The following PJVK variants were observed in gnomAD, a reference collection of about 807,000 sequenced individuals.
PJVK encodes the protein autosomal recessive deafness type 59 protein.
A neutral mutation model predicts 37.6 loss-of-function variants in PJVK; 33 were observed. The observed-to-expected ratio is 0.88, with a 90% CI of 0.67 to 1.17. The LOEUF (loss-of-function observed/expected upper bound fraction) is 1.17, where lower values mean the gene tolerates loss of function less well. Ranked by LOEUF, PJVK falls within the 50% of genes most tolerant of loss-of-function variation. The pLI, the probability that PJVK is intolerant of heterozygous loss-of-function variation, is 0.00. For synonymous variants in PJVK, 141 were observed against 143.5 expected, an observed-to-expected ratio of 0.98 and a Z score of 0.13; for missense variants, 410 against 413.8, an observed-to-expected ratio of 0.99 and a Z score of 0.08.
rs891563142 is a variant in PJVK, at chr2:178,457,126, G to A, written c.549+975G>A. On this transcript the variant is annotated intron_variant, in intron 4 of 6. Transcript: ENST00000644580. ...TGGGACTACAGGCACCTGCCACCAC[G>A]CCCGGCAGTGTTATCCAGGATGGTT... 2.6e-5 allele frequency among the ~76,000 whole-genome samples: 4 copies of A among 152,160 alleles called. 1 individual carries two copies. The highest frequency in any genetic ancestry group is 2.1e-4 in the South Asian group (1 of 4,808).
rs532670182 is a variant in PJVK at position 178,459,575 on chromosome 2, T to G, written c.668-773T>G. 2.6e-5 allele frequency among the ~76,000 whole-genome samples: 4 copies of G among 152,300 alleles called. No individual in the cohort carries two copies. In the South Asian group the frequency reaches 6.2e-4, roughly 24 times the overall value. On this transcript the variant is annotated intron_variant, in intron 5 of 6. Transcript: ENST00000644580. ...TTATACTCTTTTAGTTATTTAAAAA[T>G]GTACAAATTCTCAGTCTAAGATGGA... is the stretch of plus-strand genomic sequence containing the variant.
chr2:178,452,937 A>T (rs1317240032), intron 1 of PJVK: 1 of 168,228 alleles, frequency 5.9e-6, no homozygotes, highest in African/African-American at 2.4e-5. Flanking sequence ...TGTTGCCAAA[A>T]TTCCGGTGGT....
At position 178,461,713 on chromosome 2, in the gene PJVK, A is replaced by G. The variant is rs1041180314; in HGVS notation, c.*439A>G. On this transcript the variant is annotated 3_prime_UTR_variant, in exon 7 of 7. Transcript: ENST00000644580. ...AATTCTCTGCCTCAGCCTCCCGAGT[A>G]GCTGGGATTACTGGCGCCTGCCACC... Among the ~76,000 whole-genome samples the G allele has an allele frequency of 1.7e-4, 25 of 150,588 alleles. No individual in the cohort carries two copies. Among genetic ancestry groups the G allele is most frequent in the African/African-American group, 6.1e-4 (25 of 40,968 alleles).
chr2:178,460,324 ATCT>A, intron 5 of PJVK, 21 bp from the exon 6 acceptor site: 4 of 1,576,566 alleles, frequency 2.5e-6, no homozygotes, highest in South Asian at 1.1e-5. Flanking sequence ...AAGTTATAAC[ATCT>A]TCTAACAATT....
chr2:178,453,792 A>G, intron 2 of PJVK, 172 bp downstream of exon 2: 3 of 584,716 alleles, frequency 5.1e-6, no homozygotes, highest in East Asian at 3.1e-5. Context: ...AAAAGTTTGT[A>G]TAATATCAAA....
intron 4 of PJVK, among the ~76,000 whole-genome samples, chr2:178,457,503 C>A (rs1684193941): frequency 6.6e-6 from 1 of 152,180 alleles, no homozygotes; most frequent in Non-Finnish European, 1.5e-5. Context: ...ATAGTCCCAG[C>A]TACTCGGAAG....
rs189574055 is a variant in PJVK at position 178,456,549 on chromosome 2, T to G, written c.549+398T>G. ...GGGAGGCCGAGGTGGGCGGATCACT[T>G]GCAGTCAGGAGTTGGAGATCAAGTT... On this transcript the variant is annotated intron_variant, in intron 4 of 6. Coordinates refer to ENST00000644580, the MANE Select transcript of PJVK (RefSeq NM_001042702.5). Among the ~76,000 whole-genome samples, 109 of 152,290 alleles carry G rather than the reference T, an allele frequency of 7.2e-4. 2 individuals are homozygous for G. The highest frequency in any genetic ancestry group is 4.2e-3 in the Admixed American group (64 of 15,294).
In PJVK at chr2:178,451,633, T is replaced by A. The variant is rs1168647789; in HGVS notation, c.-159T>A. 7 of 213,630 alleles carry A rather than the reference T, an allele frequency of 3.3e-5. No individual in the cohort carries two copies. The highest frequency in any genetic ancestry group is 5.6e-5 in the Non-Finnish European group (7 of 124,480). 13.2% of individuals were successfully genotyped at this position (213,630 alleles called of 1,614,324 possible). A position where few individuals can be genotyped will look rare whatever the true frequency, so the allele number is the denominator to read the frequency against. On this transcript the variant is annotated 5_prime_UTR_variant, in exon 1 of 7. Transcript: ENST00000644580. The stretch of plus-strand genomic sequence containing the variant: ...AGCTTGAGACCCCGGATATATACGC[T>A]CCAGGGGGCTGCGGTGCGCTCTTCG...
At chr2:178,460,504 A>T in intron 6 of PJVK, 58 bp downstream of exon 6, 1 of 1,467,556 alleles carries the variant, frequency 6.8e-7, no homozygotes, top group Non-Finnish European at 9.5e-7. Context: ...GGCTTAACAC[A>T]TGAGGTTTTC....
rs976334055 is a variant in PJVK, at chr2:178,455,234, A to G, written c.407+707A>G. The G allele has an allele frequency of 2.6e-5, 41 of 1,553,532 alleles. No individual in the cohort carries two copies. The African/African-American group carries it at 5.2e-4, about 20-fold the overall frequency. On this transcript the variant is annotated intron_variant, in intron 3 of 6. Transcript: ENST00000644580. The stretch of plus-strand genomic sequence containing the variant: ...CAGTGACCCTGAGATCAATACCAAG[A>G]AGATTAACCCTGAGAATTCCAAGCT...
chr2:178,452,918 G>A (rs771019275), intron 1 of PJVK: 17 of 168,630 alleles, frequency 1.0e-4, no homozygotes, highest in South Asian at 1.4e-4. Flanking sequence ...ATTCAAAACA[G>A]CACTTTGGTG....
chr2:178,451,906 C>T (rs980573626), intron 1 of PJVK, 137 bp downstream of exon 1: 2 of 937,040 alleles, frequency 2.1e-6, no homozygotes, highest in African/African-American at 3.6e-5. Context: ...TCTCCAGGGG[C>T]TTGCTAGGCA....
intron 5 of PJVK, chr2:178,460,091 C>T: frequency 2.4e-6 from 1 of 423,020 alleles, no homozygotes; most frequent in African/African-American, 2.0e-5. Flanking sequence ...ACATAAGAAA[C>T]TTAAACCACG....
intron 4 of PJVK, 53 bp from the exon 5 acceptor site, chr2:178,458,457 G>A (rs1016661403): frequency 2.2e-6 from 3 of 1,380,482 alleles, no homozygotes; most frequent in African/African-American, 2.9e-5. Flanking sequence ...TCTCCAAAAA[G>A]CTATCCTTAC....
chr2:178,451,750 G>T lies in PJVK; in HGVS notation c.-42G>T. 1 of 985,332 alleles carries T rather than the reference G, an allele frequency of 1.0e-6. No homozygotes were observed. Among genetic ancestry groups the T allele is most frequent in the South Asian group, 4.7e-5 (1 of 21,286 alleles). The allele number at this position is 985,332 out of a possible 1,614,324, so 61.0% of individuals were successfully genotyped here. On this transcript the variant is annotated 5_prime_UTR_variant, in exon 1 of 7. Transcript: ENST00000644580. ...GGGCTCCTTTGTCTTCTGGGCTTTC[G>T]TCGCGAGATGGAACGCTGGGTCAGT...
rs1684273688 is a variant in PJVK, at chr2:178,458,571, A to G, written c.611A>G (p.His204Arg). 6.2e-7 allele frequency: 1 copy of G among 1,614,180 alleles called. No individual in the cohort carries two copies. The highest frequency in any genetic ancestry group is 8.5e-7 in the Non-Finnish European group (1 of 1,180,016). ...GACAAAGCTATTGTTTTCCCAGCAC[A>G]TACAACCATAGCTTTCAGTGTTTTT... ...GRDKAIVFPA[H>R]TTIAFSVFEL... Residue 204 changes from histidine (H) to arginine (R), a missense_variant, in exon 5 of 7, where the codon CAT (histidine) becomes CGT (arginine). By Grantham distance (29) the His-to-Arg change is conservative. Transcript: ENST00000644580.
rs1169968834 is a variant in PJVK, at chr2:178,454,341, C to T, written c.221C>T (p.Ser74Phe). The T allele has an allele frequency of 1.2e-6, 2 of 1,612,442 alleles. No individual in the cohort carries two copies. Among genetic ancestry groups the T allele is most frequent in the African/African-American group, 1.3e-5 (1 of 74,956 alleles). ...GDREISAGIS[S>F]YQLLNYEDES... ...GTTTCTTCTTATAAAGGTATTTCATCTTATCAATTACTGAATTATGAAGAT... is the reference window on the plus strand; with the variant it reads ...GTTTCTTCTTATAAAGGTATTTCATTTTATCAATTACTGAATTATGAAGAT... The change falls in exon 3 of 7, where the codon TCT becomes TTT. Residue 74 changes from serine (S) to phenylalanine (F), a missense_variant. Ser to Phe is a radical substitution (Grantham distance 155). Coordinates refer to ENST00000644580, the MANE Select transcript of PJVK (RefSeq NM_001042702.5).
In PJVK at chr2:178,453,690, A is replaced by G. The variant is rs1271874396; in HGVS notation, c.211+70A>G. On this transcript the variant is annotated intron_variant, in intron 2 of 6. Transcript: ENST00000644580. ...TTGGCAACCTAAACATAGGTCATAT[A>G]TGCTACTTATGTTAGTAATACACAT... 6.4e-6 allele frequency: 8 copies of G among 1,243,430 alleles called. No individual in the cohort carries two copies. In the South Asian group the frequency reaches 7.7e-5, roughly 12 times the overall value. The allele number at this position is 1,243,430 out of a possible 1,614,324, so 77.0% of individuals were successfully genotyped here.
chr2:178,455,558 C>T, intron 3 of PJVK: 1 of 707,410 alleles, frequency 1.4e-6, no homozygotes, highest in Non-Finnish European at 2.6e-6. Flanking sequence ...CACACAGGTC[C>T]CAGGGCATCA....
Sources: allele counts gnomAD v4.1 joint callset (sites outside exome capture counted in the v4.1 genomes callset), GRCh38; gene constraint gnomAD v4.1.1; transcripts MANE v1.5; gene names NCBI Gene and HGNC (gene_info 2026-07-23, HGNC 2026-07-21).